Variants in TRDN observed in about 807,000 individuals in gnomAD.
The protein encoded by TRDN is triadin.
TRDN carries 161 observed loss-of-function variants against 149.7 expected under a neutral mutation model. The observed-to-expected ratio is 1.08, with a 90% confidence interval of 0.95 to 1.23. The LOEUF is 1.23. TRDN is among the 50% of genes most tolerant of loss of function. The pLI, the probability that TRDN is intolerant of heterozygous loss-of-function variation, is 0.00. For missense variants in TRDN, 896 were observed against 823.5 expected, an observed-to-expected ratio of 1.09 and a Z score of -1.08; for synonymous variants, 294 against 250.5, an observed-to-expected ratio of 1.17 and a Z score of -1.64.
intron 9 of TRDN, among the ~76,000 whole-genome samples, chr6:123,474,727 C>G (rs1777371062): frequency 6.6e-6 from 1 of 152,054 alleles, no homozygotes; most frequent in Non-Finnish European, 1.5e-5. Flanking sequence ...CAAACTATCT[C>G]TCAGACCACA....
At chr6:123,286,333 A>C (rs1349552837) in intron 24 of TRDN, among the ~76,000 whole-genome samples, 1 of 152,068 alleles carries the variant, frequency 6.6e-6, no homozygotes, top group Non-Finnish European at 1.5e-5. Flanking sequence ...GCATGGTGGA[A>C]TACTACTCAG....
intron 10 of TRDN, among the ~76,000 whole-genome samples, chr6:123,460,549 G>T (rs767583339): frequency 2.6e-5 from 4 of 151,930 alleles, no homozygotes; most frequent in Non-Finnish European, 5.9e-5. Flanking sequence ...ACAAAACAAA[G>T]AAAAATATTA....
At chr6:123,398,539 G>C (rs1010279348) in intron 12 of TRDN, among the ~76,000 whole-genome samples, 1 of 152,136 alleles carries the variant, frequency 6.6e-6, no homozygotes, top group African/African-American at 2.4e-5. Context: ...CTAAGTTATT[G>C]TTTTCTATTC....
In TRDN at chr6:123,613,954, T is replaced by C. The variant is rs144404229; in HGVS notation, c.22+22800A>G. Among the ~76,000 whole-genome samples, 25 of 152,288 alleles carry C rather than the reference T, an allele frequency of 1.6e-4. No individual in the cohort carries two copies. In the South Asian group the frequency reaches 3.1e-3, roughly 19 times the overall value. On this transcript the variant is annotated intron_variant, in intron 1 of 40. Coordinates refer to ENST00000334268, the MANE Select transcript of TRDN (RefSeq NM_006073.4). ...CTGGTCCTTTCTCACAGGATATCCA[T>C]TGGTTTATTCATTTCAGTTGAAACC... is the stretch of plus-strand genomic sequence containing the variant.
At chr6:123,528,263 T>C (rs1452739571) in intron 5 of TRDN, among the ~76,000 whole-genome samples, 1 of 103,870 alleles carries the variant, frequency 9.6e-6, no homozygotes, top group Non-Finnish European at 2.1e-5. Context: ...GATTACATAT[T>C]CTGTGTGATT....
chr6:123,289,017 G>A (rs956401998), intron 24 of TRDN, among the ~76,000 whole-genome samples: 6 of 138,448 alleles, frequency 4.3e-5, no homozygotes, highest in Non-Finnish European at 6.3e-5. Flanking sequence ...AATGTGGGGG[G>A]TGTGTGTGTG....
intron 1 of TRDN, among the ~76,000 whole-genome samples, 199 bp from the exon 2 acceptor site, chr6:123,571,331 G>T (rs951252573): frequency 6.6e-6 from 1 of 152,080 alleles, no homozygotes. Flanking sequence ...CCTAAAACTC[G>T]TGCGCTCATA....
intron 1 of TRDN, among the ~76,000 whole-genome samples, chr6:123,628,464 T>C (rs6915835): frequency 0.48 from 72,944 of 151,844 alleles, 21,839 homozygotes; most frequent in African/African-American, 0.85. Flanking sequence ...CAAAGAACAA[T>C]GGTCACAGAT....
In TRDN at chr6:123,217,580, A is replaced by G. The variant is rs1293056786; in HGVS notation, c.*1021T>C. ...TAGATTAAAAATTGTTATCCATGTC[A>G]TTGGCACTGATGACCAGTTACCTAA... On this transcript the variant is annotated 3_prime_UTR_variant, in exon 41 of 41. Coordinates refer to ENST00000334268, the MANE Select transcript of TRDN (RefSeq NM_006073.4). The G allele has an allele frequency of 1.3e-5, 2 of 152,098 alleles. No individual in the cohort carries two copies. The highest frequency in any genetic ancestry group is 6.6e-5 in the Admixed American group (1 of 15,242). 9.4% of individuals were successfully genotyped at this position (152,098 alleles called of 1,614,324 possible).
At chr6:123,595,741 T>C (rs1001548439) in intron 1 of TRDN, among the ~76,000 whole-genome samples, 1 of 152,084 alleles carries the variant, frequency 6.6e-6, no homozygotes, top group African/African-American at 2.4e-5. Context: ...GACGTTACTG[T>C]TGTATTTGTT....
In TRDN at chr6:123,274,674, A is replaced by T. The variant is rs764779610; in HGVS notation, c.1568-4T>A. ...GCTTCTTTTTTAATTTGGGGCTCTG[A>T]GGGAGAGAAAAGGCAGAAAATTTAA... On this transcript the variant is annotated splice_region_variant and splice_polypyrimidine_tract_variant and intron_variant, in intron 26 of 40. Coordinates refer to ENST00000334268, the MANE Select transcript of TRDN (RefSeq NM_006073.4). The T allele has an allele frequency of 5.5e-5, 88 of 1,607,118 alleles. No homozygotes were observed. Among genetic ancestry groups the T allele is most frequent in the Non-Finnish European group, 7.2e-5 (85 of 1,176,496 alleles).
intron 6 of TRDN, among the ~76,000 whole-genome samples, chr6:123,515,743 A>G (rs1779380898): frequency 6.6e-6 from 1 of 152,116 alleles, no homozygotes; most frequent in Non-Finnish European, 1.5e-5. Flanking sequence ...CTTATTATCT[A>G]TTCTACATAA....
intron 1 of TRDN, among the ~76,000 whole-genome samples, chr6:123,630,761 A>C (rs1381508618): frequency 3.3e-5 from 5 of 152,094 alleles, no homozygotes; most frequent in Non-Finnish European, 5.9e-5. Flanking sequence ...ACACAGCTAT[A>C]TTTTCTGCTC....
In TRDN at chr6:123,378,453, A is replaced by AGTGTGTGT. The variant is rs59816098; in HGVS notation, c.1187-563_1187-556dup. On this transcript the variant is annotated intron_variant, in intron 16 of 40. Coordinates refer to ENST00000334268, the MANE Select transcript of TRDN (RefSeq NM_006073.4). ...CACCACCATGTGTAGCCAGATTTGT[A>AGTGTGTGT]GTGTGTGTGTGTGTGTGTGTGTGTG... Among the ~76,000 whole-genome samples the AGTGTGTGT allele has an allele frequency of 5.5e-4, 75 of 136,380 alleles. No homozygotes were observed. In the East Asian group the frequency reaches 7.0e-3, roughly 13 times the overall value. The allele number at this position is 136,380 out of a possible 152,430, so 89.5% of individuals were successfully genotyped here. A position where few individuals can be genotyped will look rare whatever the true frequency, so the allele number is the denominator to read the frequency against.
At chr6:123,621,179 G>A (rs892964938) in intron 1 of TRDN, among the ~76,000 whole-genome samples, 3 of 152,054 alleles carry the variant, frequency 2.0e-5, no homozygotes, top group Non-Finnish European at 4.4e-5. Flanking sequence ...GTTGCTATAC[G>A]GTGAGGATTA....
At chr6:123,422,650 A>T (rs1327996639) in intron 12 of TRDN, among the ~76,000 whole-genome samples, 1 of 152,200 alleles carries the variant, frequency 6.6e-6, no homozygotes, top group Non-Finnish European at 1.5e-5. Context: ...AATTCCACAC[A>T]TTTAAAAAAT....
intron 22 of TRDN, among the ~76,000 whole-genome samples, chr6:123,334,643 G>A (rs1779795181): frequency 6.6e-6 from 1 of 151,998 alleles, no homozygotes; most frequent in Non-Finnish European, 1.5e-5. Flanking sequence ...GAGTCCACTG[G>A]TCCAGGAAAG....
At chr6:123,446,336 T>C (rs1455948898) in intron 10 of TRDN, among the ~76,000 whole-genome samples, 2 of 152,008 alleles carry the variant, frequency 1.3e-5, no homozygotes, top group East Asian at 3.9e-4. Context: ...TGTGTACATA[T>C]GTAACTAACC....
At chr6:123,557,925 A>T (rs2114482672) in intron 2 of TRDN, among the ~76,000 whole-genome samples, 1 of 151,446 alleles carries the variant, frequency 6.6e-6, no homozygotes, top group African/African-American at 2.4e-5. Context: ...GTTCTCAAAG[A>T]CCTCTTCAAC....
Sources: gnomAD v4.1 joint callset for allele counts (sites outside exome capture counted in the v4.1 genomes callset) on GRCh38, gnomAD v4.1.1 for gene constraint, MANE v1.5 for transcripts, NCBI Gene and HGNC (gene_info 2026-07-23, HGNC 2026-07-21) for gene names.